Variants in CEP95 observed in about 807,000 individuals in gnomAD.
CEP95 encodes the protein centrosomal protein of 95 kDa.
In CEP95, 98 loss-of-function variants were observed where a neutral mutation model predicts 111.2. That is an observed-to-expected ratio of 0.88 (90% CI 0.75 to 1.04). The LOEUF (loss-of-function observed/expected upper bound fraction) is 1.04, where lower values mean the gene tolerates loss of function less well. CEP95 is among the 50% of genes least tolerant of loss of function. The probability of loss-of-function intolerance (pLI) is 0.00; values close to 1 mark genes in which losing one functional copy is unlikely to be tolerated. For synonymous variants in CEP95, 323 were observed against 327.1 expected (o/e 0.99, Z 0.14); for missense variants, 1,027 against 977.2 (o/e 1.05, Z -0.68).
intron 5 of CEP95, among the ~76,000 whole-genome samples, chr17:64,517,420 A>G (rs1197251384): frequency 6.6e-6 from 1 of 152,234 alleles, no homozygotes; most frequent in Admixed American, 6.5e-5. Context: ...AAGCAGGAAA[A>G]AAAATCTATT....
Position 64,508,692 on chromosome 17 carries a change from T to C in CEP95, c.120T>C (p.Tyr40=). 1 of 1,443,324 alleles carries C rather than the reference T, an allele frequency of 6.9e-7. No homozygotes were observed. Among genetic ancestry groups the C allele is most frequent in the Non-Finnish European group, 9.2e-7 (1 of 1,087,840 alleles). 89.4% of individuals were successfully genotyped at this position (1,443,324 alleles called of 1,614,324 possible). The part of the protein sequence containing the change: ...DCDANVFIAL[Y]QSILGEKVPD... ...ATGCTAATGTTTTTATTGCTCTTTATCAGTCTATTTTGGGAGAAAAGGTAC... is the reference window on the plus strand; with the variant it reads ...ATGCTAATGTTTTTATTGCTCTTTACCAGTCTATTTTGGGAGAAAAGGTAC... Residue 40 remains tyrosine (Y), a synonymous_variant, in exon 2 of 20, where the codon TAT becomes TAC. Coordinates refer to ENST00000556440, the MANE Select transcript of CEP95 (RefSeq NM_138363.3).
chr17:64,529,730 T>C (rs766897770), intron 12 of CEP95, among the ~76,000 whole-genome samples: 6 of 151,986 alleles, frequency 3.9e-5, no homozygotes, highest in Admixed American at 6.6e-5. Flanking sequence ...GAATTTGAGG[T>C]GGATTAAACG....
Position 64,508,706 on chromosome 17 carries a change from G to T in CEP95, c.134G>T (p.Gly45Val), listed in dbSNP as rs2038719536. The T allele has an allele frequency of 1.4e-6, 2 of 1,407,878 alleles. No individual in the cohort carries two copies. Among genetic ancestry groups the T allele is most frequent in the Non-Finnish European group, 1.9e-6 (2 of 1,070,694 alleles). 87.2% of individuals were successfully genotyped at this position (1,407,878 alleles called of 1,614,324 possible). Reference protein sequence around the residue: ...VFIALYQSILGEKVPDLIVIP... With the variant: ...VFIALYQSILVEKVPDLIVIP... ...ATTGCTCTTTATCAGTCTATTTTGG[G>T]AGAAAAGGTACCAGGTAAGAATACT... is the stretch of plus-strand genomic sequence containing the variant. The change falls in exon 2 of 20, where the codon GGA becomes GTA. Residue 45 changes from glycine (G) to valine (V), a missense_variant. Coordinates refer to ENST00000556440, the MANE Select transcript of CEP95 (RefSeq NM_138363.3).
chr17:64,521,911 C>G (rs1555677994), intron 7 of CEP95, among the ~76,000 whole-genome samples: 1 of 152,116 alleles, frequency 6.6e-6, no homozygotes, highest in Non-Finnish European at 1.5e-5. Context: ...GGCTGGAGTG[C>G]AGTGGCATGA....
rs557913316 is a variant in CEP95, at chr17:64,514,331, C to G, written c.340C>G (p.Arg114Gly). Reference sequence around the variant, plus strand: ...TGGTTTGTTGGAGTATCTTACAGAACGCATCAGTGAAACATCTCATGAGAA... The same window carrying G: ...TGGTTTGTTGGAGTATCTTACAGAAGGCATCAGTGAAACATCTCATGAGAA... ...FDGLLEYLTE[R>G]ISETSHEKSE... is the part of the protein sequence containing the mutation. Residue 114 changes from arginine to glycine, a missense_variant, in exon 4 of 20, where the codon CGC becomes GGC. By Grantham distance (125) the Arg-to-Gly change is moderately radical. Coordinates refer to ENST00000556440, the MANE Select transcript of CEP95 (RefSeq NM_138363.3). 2 of 1,516,280 alleles carry G rather than the reference C, an allele frequency of 1.3e-6. No individual in the cohort carries two copies. Among genetic ancestry groups the G allele is most frequent in the African/African-American group, 1.4e-5 (1 of 72,600 alleles). 93.9% of individuals were successfully genotyped at this position (1,516,280 alleles called of 1,614,324 possible). A position where few individuals can be genotyped will look rare whatever the true frequency, so the allele number is the denominator to read the frequency against.
chr17:64,513,637 A>G (rs1323791331), intron 3 of CEP95, among the ~76,000 whole-genome samples: 1 of 152,172 alleles, frequency 6.6e-6, no homozygotes, highest in Non-Finnish European at 1.5e-5. Flanking sequence ...TATTTCAGAA[A>G]GGGAGCCAGG....
intron 5 of CEP95, 131 bp from the exon 6 acceptor site, chr17:64,519,190 A>G (rs1967118220): frequency 1.6e-6 from 1 of 626,622 alleles, no homozygotes; most frequent in African/African-American, 1.8e-5. Context: ...AACAAAACAT[A>G]AGCAGCAAGA....
intron 12 of CEP95, 86 bp downstream of exon 12, chr17:64,529,513 T>G: frequency 8.7e-6 from 12 of 1,383,512 alleles, no homozygotes; most frequent in Non-Finnish European, 1.2e-5. Context: ...TGCTGTTGAT[T>G]TAGGCTTAAA....
Position 64,536,649 on chromosome 17 carries a change from A to G in CEP95, c.2118A>G (p.Arg706=). The G allele has an allele frequency of 6.2e-7, 1 of 1,610,094 alleles. No individual in the cohort carries two copies. Among genetic ancestry groups the G allele is most frequent in the Non-Finnish European group, 8.5e-7 (1 of 1,178,514 alleles). ...FEEGLNIQKQ[R]LRDLRNYAKE... ...AAGGTTTAAACATTCAAAAGCAAAG[A>G]TTACGAGACCTAAGAAACTATGCCA... The change falls in exon 18 of 20, where the codon AGA becomes AGG. Residue 706 remains arginine (R), a synonymous_variant. Transcript: ENST00000556440.
rs782189016 is a variant in CEP95 at position 64,529,318 on chromosome 17, G to A, written c.1337G>A (p.Arg446Lys). Reference sequence around the variant, plus strand: ...TCCATGCGTAGAAAGCCACCCTACAGATCCCATTCGCTCTCTCCATCTCCA... The same window carrying A: ...TCCATGCGTAGAAAGCCACCCTACAAATCCCATTCGCTCTCTCCATCTCCA... ...GLSMRRKPPY[R>K]SHSLSPSPVN... The change falls in exon 12 of 20, where the codon AGA becomes AAA. Residue 446 changes from arginine to lysine, a missense_variant. Transcript: ENST00000556440. 1.2e-6 allele frequency: 2 copies of A among 1,613,722 alleles called. No homozygotes were observed. Among genetic ancestry groups the A allele is most frequent in the South Asian group, 2.2e-5 (2 of 91,026 alleles).
At chr17:64,536,410 C>A (rs1183530824) in intron 17 of CEP95, 192 bp from the exon 18 acceptor site, 4 of 405,186 alleles carry the variant, frequency 9.9e-6, no homozygotes, top group African/African-American at 8.4e-5. Context: ...GACTGCCCCA[C>A]TACACTCCAG....
In CEP95 at chr17:64,537,776, A is replaced by G. The variant is rs782324162; in HGVS notation, c.2463A>G (p.Leu821=). The part of the protein sequence containing the change: ...ASFQYSKSPS[L] The stretch of plus-strand genomic sequence containing the variant: ...TTCAGTACAGTAAAAGTCCCTCCCT[A>G]TGAGGCCAGACTTGATAATAGTAGG... Residue 821 remains leucine, a synonymous_variant, in exon 20 of 20, where the codon CTA becomes CTG. Transcript: ENST00000556440. The G allele has an allele frequency of 3.2e-6, 5 of 1,584,874 alleles. No homozygotes were observed. Among genetic ancestry groups the G allele is most frequent in the African/African-American group, 2.7e-5 (2 of 74,462 alleles).
intron 3 of CEP95, among the ~76,000 whole-genome samples, chr17:64,511,860 T>C (rs2038915794): frequency 6.6e-6 from 1 of 152,238 alleles, no homozygotes. Context: ...CCATGAAATC[T>C]TCACAATCCA....
At chr17:64,527,870 GTA>G (rs376144614) in intron 11 of CEP95, among the ~76,000 whole-genome samples, 4,258 of 112,366 alleles carry the variant, frequency 0.038, 65 homozygotes, top group Middle Eastern at 0.055. Context: ...GTGTGTGTGT[GTA>G]TATATATATA....
At chr17:64,520,223 C>T (rs190308651) in intron 6 of CEP95, among the ~76,000 whole-genome samples, 2 of 152,240 alleles carry the variant, frequency 1.3e-5, no homozygotes, top group East Asian at 1.9e-4. Context: ...AAAGATGTTA[C>T]TGTAAAATGA....
upstream of CEP95, chr17:64,506,810 C>T (rs1239820445): frequency 5.4e-5 from 31 of 573,254 alleles, no homozygotes; most frequent in South Asian, 5.1e-4. Flanking sequence ...TGATGTGGAC[C>T]GTCCGACCCG....
At chr17:64,533,821 A>G (rs1255178824) in intron 16 of CEP95, among the ~76,000 whole-genome samples, 1 of 152,144 alleles carries the variant, frequency 6.6e-6, no homozygotes, top group Non-Finnish European at 1.5e-5. Flanking sequence ...TGTGGACTCC[A>G]TGGACCCATC....
chr17:64,525,513 T>C (rs184671613), intron 8 of CEP95, among the ~76,000 whole-genome samples: 33 of 152,332 alleles, frequency 2.2e-4, no homozygotes, highest in Non-Finnish European at 3.8e-4. Flanking sequence ...AAATTTCATA[T>C]TTAGAGAACA....
intron 7 of CEP95, 72 bp from the exon 8 acceptor site, chr17:64,522,626 GGTAT>G: frequency 4.2e-5 from 37 of 878,974 alleles, no homozygotes; most frequent in Non-Finnish European, 5.4e-5. Flanking sequence ...TGTTTATATA[GGTAT>G]GTATGTATGT....
Sources: allele counts gnomAD v4.1 joint callset (sites outside exome capture counted in the v4.1 genomes callset), GRCh38; gene constraint gnomAD v4.1.1; transcripts MANE v1.5; gene names NCBI Gene and HGNC (gene_info 2026-07-23, HGNC 2026-07-21).